The following AP3B1 variants were observed in gnomAD, a reference collection of about 807,000 sequenced individuals.
The protein encoded by AP3B1 is adaptor related protein complex 3 subunit beta 1.
A neutral mutation model predicts 132.5 loss-of-function variants in AP3B1; 61 were observed. The ratio of observed to expected loss-of-function variants is 0.46; its 90% confidence interval spans 0.37 to 0.57. The LOEUF (loss-of-function observed/expected upper bound fraction) is 0.57. Among genes scored for constraint, AP3B1 ranks in the 20% least tolerant of loss-of-function variants. AP3B1 has a pLI of 0.00. For synonymous variants in AP3B1, 388 were observed against 438.3 expected, an observed-to-expected ratio of 0.89 and a Z score of 1.43; for missense variants, 1,120 against 1,289.4, an observed-to-expected ratio of 0.87 and a Z score of 2.01.
chr5:78,131,888 TTAAA>T (rs1193981306), intron 15 of AP3B1, among the ~76,000 whole-genome samples: 1 of 152,132 alleles, frequency 6.6e-6, no homozygotes, highest in East Asian at 1.9e-4. Context: ...TAGTGACACT[TTAAA>T]TAATCCAAAC....
At chr5:78,080,536 C>T (rs1445681250) in intron 22 of AP3B1, among the ~76,000 whole-genome samples, 2 of 145,238 alleles carry the variant, frequency 1.4e-5, no homozygotes, top group African/African-American at 5.1e-5. Context: ...GTAGCCACAT[C>T]GATTAGTGAG....
intron 21 of AP3B1, among the ~76,000 whole-genome samples, chr5:78,095,604 CCT>C (rs1178398481): frequency 6.6e-6 from 1 of 152,126 alleles, no homozygotes; most frequent in Non-Finnish European, 1.5e-5. Context: ...TTTTCATCTC[CCT>C]CTCTGTTTCT....
chr5:78,053,019 G>A (rs965713614), intron 22 of AP3B1, among the ~76,000 whole-genome samples: 1 of 152,200 alleles, frequency 6.6e-6, no homozygotes, highest in Admixed American at 6.5e-5. Context: ...AGAACCCAGA[G>A]CATTTTACAG....
Position 78,096,492 on chromosome 5 carries a change from C to T in AP3B1, c.2470+4461G>A, listed in dbSNP as rs541959795. Among the ~76,000 whole-genome samples the T allele has an allele frequency of 2.0e-5, 3 of 151,236 alleles. No individual in the cohort carries two copies. In the East Asian group the frequency reaches 5.9e-4, roughly 30 times the overall value. On this transcript the variant is annotated intron_variant, in intron 21 of 26. Transcript: ENST00000255194. ...CGCCCATCGTCTGGGATGTGAGGAGCCCCTCTGCCTGGCTGCCCAGTCTGG... is the reference window on the plus strand; with the variant it reads ...CGCCCATCGTCTGGGATGTGAGGAGTCCCTCTGCCTGGCTGCCCAGTCTGG...
intron 22 of AP3B1, among the ~76,000 whole-genome samples, chr5:78,056,125 GACTAATGATGAATACCACTTT>G (rs1748802568): frequency 6.6e-6 from 1 of 152,060 alleles, no homozygotes; most frequent in African/African-American, 2.4e-5. Context: ...ATGCTGAAAA[GACTAATGATGAATACCACTTT>G]TTTAAAAAAA....
intron 7 of AP3B1, among the ~76,000 whole-genome samples, chr5:78,186,280 A>G (rs560042711): frequency 1.3e-5 from 2 of 152,342 alleles, no homozygotes; most frequent in Non-Finnish European, 2.9e-5. Flanking sequence ...CAGAGCAAAG[A>G]AAATTACAAC....
intron 22 of AP3B1, among the ~76,000 whole-genome samples, chr5:78,046,959 T>C (rs1748361688): frequency 6.6e-6 from 1 of 152,086 alleles, no homozygotes; most frequent in Non-Finnish European, 1.5e-5. Flanking sequence ...CGGTGTTTGG[T>C]TTTCTATTCC....
At chr5:78,179,748 T>C (rs2112410595) in intron 8 of AP3B1, among the ~76,000 whole-genome samples, 1 of 152,212 alleles carries the variant, frequency 6.6e-6, no homozygotes, top group African/African-American at 2.4e-5. Flanking sequence ...CTGAAAGAAA[T>C]TCTCAAAGTC....
At chr5:78,273,964 T>A (rs1561214295) in intron 1 of AP3B1, among the ~76,000 whole-genome samples, 1 of 144,456 alleles carries the variant, frequency 6.9e-6, no homozygotes, top group East Asian at 2.0e-4. Context: ...ATACCTAGCA[T>A]CTGATCAAAA....
chr5:78,205,455 G>T (rs989877987), intron 7 of AP3B1, among the ~76,000 whole-genome samples: 1 of 149,862 alleles, frequency 6.7e-6, no homozygotes, highest in Admixed American at 6.7e-5. Context: ...ACACACACAC[G>T]CACACAAATA....
intron 2 of AP3B1, among the ~76,000 whole-genome samples, chr5:78,257,540 A>G (rs1252681601): frequency 6.6e-6 from 1 of 152,174 alleles, no homozygotes; most frequent in Non-Finnish European, 1.5e-5. Context: ...AAAATGGAAA[A>G]ATATTCTGTG....
At chr5:78,172,679 A>T (rs1300310890) in intron 11 of AP3B1, among the ~76,000 whole-genome samples, 1 of 152,152 alleles carries the variant, frequency 6.6e-6, no homozygotes, top group African/African-American at 2.4e-5. Context: ...TTTTCAAAAA[A>T]CCAGCTCCTG....
intron 2 of AP3B1, among the ~76,000 whole-genome samples, chr5:78,255,302 G>A (rs1747804342): frequency 6.6e-6 from 1 of 151,878 alleles, no homozygotes; most frequent in Admixed American, 6.6e-5. Context: ...AAACAGAGTG[G>A]CCGAATGGAT....
intron 7 of AP3B1, among the ~76,000 whole-genome samples, chr5:78,188,952 T>C (rs1744714179): frequency 6.6e-6 from 1 of 152,116 alleles, no homozygotes. Flanking sequence ...CTGGAAGCCA[T>C]CATTCTCAGC....
intron 22 of AP3B1, among the ~76,000 whole-genome samples, chr5:78,065,927 T>G (rs1749270286): frequency 6.6e-6 from 1 of 152,100 alleles, no homozygotes; most frequent in African/African-American, 2.4e-5. Context: ...GGCATCAGAT[T>G]GGTGCCCCTT....
chr5:78,113,452 G>A (rs1170776392), intron 19 of AP3B1, among the ~76,000 whole-genome samples: 6 of 152,094 alleles, frequency 3.9e-5, no homozygotes, highest in African/African-American at 1.4e-4. Flanking sequence ...CAGCAAAATC[G>A]CTACAAAAGG....
At chr5:78,205,531 T>G (rs1745468734) in intron 7 of AP3B1, among the ~76,000 whole-genome samples, 2 of 152,074 alleles carry the variant, frequency 1.3e-5, no homozygotes, top group African/African-American at 4.8e-5. Context: ...GAATAACAAC[T>G]AGCTCTGGAA....
At chr5:78,172,677 A>T (rs925610212) in intron 11 of AP3B1, among the ~76,000 whole-genome samples, 3 of 152,154 alleles carry the variant, frequency 2.0e-5, no homozygotes, top group African/African-American at 7.2e-5. Flanking sequence ...TCTTTTCAAA[A>T]AACCAGCTCC....
intron 6 of AP3B1, among the ~76,000 whole-genome samples, chr5:78,221,425 T>C (rs1455081328): frequency 1.3e-5 from 2 of 152,050 alleles, no homozygotes; most frequent in African/African-American, 4.8e-5. Flanking sequence ...GAGAAGCATT[T>C]GAAGATAGGA....
Sources: gnomAD v4.1 joint callset for allele counts (sites outside exome capture counted in the v4.1 genomes callset) on GRCh38, gnomAD v4.1.1 for gene constraint, MANE v1.5 for transcripts, NCBI Gene and HGNC (gene_info 2026-07-23, HGNC 2026-07-21) for gene names.